The following TGIF1 variants were observed in gnomAD, a reference collection of about 807,000 sequenced individuals.
The protein encoded by TGIF1 is TGFB induced factor homeobox 1, also known as homeobox protein TGIF1.
In TGIF1, 4 loss-of-function variants were observed where a neutral mutation model predicts 19.3. The ratio of observed to expected loss-of-function variants is 0.21; its 90% CI spans 0.10 to 0.47. The LOEUF (loss-of-function observed/expected upper bound fraction) is 0.47, where lower values mean the gene tolerates loss of function less well. Among genes scored for constraint, TGIF1 ranks in the 20% least tolerant of loss-of-function variants. The pLI, the probability that TGIF1 is intolerant of heterozygous loss-of-function variation, is 0.98. For synonymous variants in TGIF1, 122 were observed against 129.3 expected, an observed-to-expected ratio of 0.94 and a Z score of 0.38; for missense variants, 275 against 341.4, an observed-to-expected ratio of 0.81 and a Z score of 1.53.
At position 3,433,935 on chromosome 18, in the gene TGIF1, A is replaced by G. The variant is rs113035228; in HGVS notation, c.-45+15720A>G. 5.6e-3 allele frequency among the ~76,000 whole-genome samples: 847 copies of G among 152,308 alleles called. 8 individuals are homozygous for G. Among genetic ancestry groups the G allele is most frequent in the African/African-American group, 0.019 (803 of 41,568 alleles). On this transcript the variant is annotated intron_variant, in intron 2 of 3. Coordinates refer to the TGIF1 transcript ENST00000401449. ...ATACAAAAAAAGTAAATGAGGGTTC[A>G]CAGTCCCAGGTTTATACTTTAACTA...
intron 1 of TGIF1, chr18:3,415,478 G>T: frequency 2.1e-6 from 1 of 484,120 alleles, no homozygotes; most frequent in East Asian, 6.0e-5. Context: ...CCAACGGAAG[G>T]AGCAAGTCAT....
At chr18:3,421,265 A>C (rs1057283521) in intron 2 of TGIF1, among the ~76,000 whole-genome samples, 3 of 148,378 alleles carry the variant, frequency 2.0e-5, no homozygotes, top group Non-Finnish European at 4.5e-5. Context: ...TATAAAATAT[A>C]TATATATTTG....
intron 1 of TGIF1, chr18:3,452,402 A>G (rs1044779806): frequency 8.7e-6 from 14 of 1,613,062 alleles, no homozygotes; most frequent in Non-Finnish European, 1.1e-5. Flanking sequence ...TGAAGGGGAA[A>G]CTTTGCGACT....
intron 2 of TGIF1, among the ~76,000 whole-genome samples, chr18:3,429,254 G>A (rs1487204279): frequency 6.6e-6 from 1 of 152,056 alleles, no homozygotes; most frequent in Non-Finnish European, 1.5e-5. Context: ...AGAGACTGGA[G>A]TCTCGCTTTG....
Position 3,456,683 on chromosome 18 carries a change from C to A in TGIF1, c.243+103C>A. 1.1e-6 allele frequency: 1 copy of A among 930,032 alleles called. No homozygotes were observed. Among genetic ancestry groups the A allele is most frequent in the Non-Finnish European group, 1.7e-6 (1 of 589,070 alleles). The allele number at this position is 930,032 out of a possible 1,614,324, so 57.6% of individuals were successfully genotyped here. A position where few individuals can be genotyped will look rare whatever the true frequency, so the allele number is the denominator to read the frequency against. ...CATTAAGCTCCTTGCCACTCAAAGACAGAAGGAATATCTTTTTATTGTAAA... is the reference window on the plus strand; with the variant it reads ...CATTAAGCTCCTTGCCACTCAAAGAAAGAAGGAATATCTTTTTATTGTAAA... On this transcript the variant is annotated intron_variant, in intron 2 of 2. Transcript: ENST00000343820. The surrounding 1 kb of genome is among the most constrained non-coding windows in gnomAD (Gnocchi z 4.2).
Position 3,423,462 on chromosome 18 carries a change from G to A in TGIF1, c.-45+5247G>A, listed in dbSNP as rs750359944. ...TGGGAGGCCAGGGCGGGCAGATCAC[G>A]AGGTCAGGACATCGAGACCTTCCTG... On this transcript the variant is annotated intron_variant, in intron 2 of 3. Coordinates refer to the TGIF1 transcript ENST00000401449. Among the ~76,000 whole-genome samples, 19 of 152,096 alleles carry A rather than the reference G, an allele frequency of 1.2e-4. 1 individual carries two copies. In the South Asian group the frequency reaches 1.5e-3, roughly 12 times the overall value.
upstream of TGIF1, among the ~76,000 whole-genome samples, chr18:3,446,000 C>T (rs1181024611): frequency 1.3e-5 from 2 of 151,758 alleles, no homozygotes; most frequent in African/African-American, 4.8e-5. Context: ...AGTTTTATGC[C>T]TTTTAACTTT....
rs986932552 is a variant in TGIF1 at position 3,458,019 on chromosome 18, A to G, written c.*79A>G. The G allele has an allele frequency of 7.7e-6, 10 of 1,296,352 alleles. No individual in the cohort carries two copies. Among genetic ancestry groups the G allele is most frequent in the Admixed American group, 6.0e-5 (3 of 49,728 alleles). 80.3% of individuals were successfully genotyped at this position (1,296,352 alleles called of 1,614,324 possible). ...CAAGAGATGAATTGCATTATTTTAT[A>G]TATTTTTTATTAATATTTGCACATG... On this transcript the variant is annotated 3_prime_UTR_variant, in exon 3 of 3. Transcript: ENST00000343820.
chr18:3,419,776 C>T (rs928509979), intron 2 of TGIF1, among the ~76,000 whole-genome samples: 2 of 152,144 alleles, frequency 1.3e-5, no homozygotes, highest in South Asian at 2.1e-4. Context: ...GAGGCCAAGG[C>T]GAGTGGATCA....
intron 2 of TGIF1, among the ~76,000 whole-genome samples, chr18:3,438,252 G>C (rs189225182): frequency 2.0e-5 from 3 of 152,222 alleles, no homozygotes; most frequent in Admixed American, 1.3e-4. Context: ...AGTTGGTTTA[G>C]TTTTTAAAAC....
rs975148574 is a variant in TGIF1, at chr18:3,451,398, G to T, written c.16+893G>T. On this transcript the variant is annotated intron_variant, in intron 1 of 2. Transcript: ENST00000343820. This position sits in a 1 kb window ranked among gnomAD's most constrained non-coding sequence, Gnocchi z 5.4. ...AAAACACCCCGAAAGGTCAGAGTGT[G>T]AAGTCCCTTTTGAAGTTAACAAAAA... is the stretch of plus-strand genomic sequence containing the variant. The T allele has an allele frequency of 1.0e-6, 1 of 985,350 alleles. No homozygotes were observed. Among genetic ancestry groups the T allele is most frequent in the African/African-American group, 1.7e-5 (1 of 57,244 alleles). 61.0% of individuals were successfully genotyped at this position (985,350 alleles called of 1,614,324 possible).
chr18:3,422,882 G>A (rs925980659), intron 2 of TGIF1, among the ~76,000 whole-genome samples: 2 of 151,726 alleles, frequency 1.3e-5, no homozygotes, highest in South Asian at 2.1e-4. Context: ...GTAGAGACGG[G>A]GTTTCACCGT....
intron 1 of TGIF1, among the ~76,000 whole-genome samples, chr18:3,417,296 A>T (rs1033589747): frequency 1.3e-5 from 2 of 152,122 alleles, no homozygotes; most frequent in African/African-American, 4.8e-5. Flanking sequence ...AGTAGCTGGG[A>T]CTACAGGCAT....
intron 2 of TGIF1, among the ~76,000 whole-genome samples, chr18:3,435,969 T>C (rs1455291755): frequency 7.1e-5 from 7 of 98,032 alleles, no homozygotes; most frequent in Admixed American, 1.3e-4. Flanking sequence ...CAAACGATCT[T>C]CCTGTCTCTC....
chr18:3,456,586 G>T lies in TGIF1; in HGVS notation c.243+6G>T. On this transcript the variant is annotated splice_donor_region_variant and intron_variant, in intron 2 of 2. Coordinates refer to ENST00000343820, the MANE Select transcript of TGIF1 (RefSeq NM_003244.4). This position sits in a 1 kb window ranked among gnomAD's most constrained non-coding sequence, Gnocchi z 4.2. ...CACACCTGTCTACGCTACAGGTAAA[G>T]AAAGAGAGCGTGAGGTTTATGGATG... 1 of 1,613,082 alleles carries T rather than the reference G, an allele frequency of 6.2e-7. No homozygotes were observed. Among genetic ancestry groups the T allele is most frequent in the South Asian group, 1.1e-5 (1 of 91,064 alleles).
At chr18:3,432,144 A>AAAAAAAAAAAAAG (rs199561203) in intron 2 of TGIF1, among the ~76,000 whole-genome samples, 1 of 138,464 alleles carries the variant, frequency 7.2e-6, no homozygotes, top group African/African-American at 2.8e-5. Context: ...AAAAAAAAAA[A>AAAAAAAAAAAAAG]CACTAAGAAA....
At position 3,457,293 on chromosome 18, in the gene TGIF1, C is replaced by G; in HGVS notation, c.244-72C>G. On this transcript the variant is annotated intron_variant, in intron 2 of 2. Coordinates refer to ENST00000343820, the MANE Select transcript of TGIF1 (RefSeq NM_003244.4). The surrounding 1 kb of genome is among the most constrained non-coding windows in gnomAD (Gnocchi z 4.9). The stretch of plus-strand genomic sequence containing the variant: ...CAGAGAGCAAGATCAATTAGGTACC[C>G]CATAGAACATTCTCAGAACCCGTTG... 2 of 1,450,684 alleles carry G rather than the reference C, an allele frequency of 1.4e-6. No individual in the cohort carries two copies. The highest frequency in any genetic ancestry group is 1.9e-6 in the Non-Finnish European group (2 of 1,042,178). The allele number at this position is 1,450,684 out of a possible 1,614,324, so 89.9% of individuals were successfully genotyped here. A position where few individuals can be genotyped will look rare whatever the true frequency, so the allele number is the denominator to read the frequency against.
intron 2 of TGIF1, among the ~76,000 whole-genome samples, chr18:3,426,006 C>A (rs192869223): frequency 1.3e-5 from 2 of 152,056 alleles, no homozygotes; most frequent in South Asian, 4.2e-4. Context: ...CAGCATCCTA[C>A]GTTGTGAGAG....
At chr18:3,443,757 T>G (rs540401583) in intron 2 of TGIF1, among the ~76,000 whole-genome samples, 1 of 152,076 alleles carries the variant, frequency 6.6e-6, no homozygotes, top group East Asian at 1.9e-4. Context: ...GGTCTCGAAC[T>G]CCTGACCTCA....
Sources: allele counts gnomAD v4.1 joint callset (sites outside exome capture counted in the v4.1 genomes callset), GRCh38; gene constraint gnomAD v4.1.1; non-coding constraint Gnocchi (gnomAD v3.1); transcripts MANE v1.5; gene names NCBI Gene and HGNC (gene_info 2026-07-23, HGNC 2026-07-21).